C12orf42: variants seen among roughly 807,000 people sequenced by gnomAD.
The protein encoded by C12orf42 is uncharacterized protein C12orf42.
Under a neutral mutation model 21.6 loss-of-function variants are expected in C12orf42, and 25 were observed. That is an observed-to-expected ratio of 1.16 (90% CI 0.84 to 1.62). The LOEUF (loss-of-function observed/expected upper bound fraction) is 1.62, where lower values mean the gene tolerates loss of function less well. Ranked by LOEUF, C12orf42 falls within the 40% of genes most tolerant of loss-of-function variation. The pLI, the probability that C12orf42 is intolerant of heterozygous loss-of-function variation, is 0.00. For missense variants in C12orf42, 483 were observed against 459.3 expected, an observed-to-expected ratio of 1.05 and a Z score of -0.47; for synonymous variants, 174 against 175.0, an observed-to-expected ratio of 0.99 and a Z score of 0.05.
At chr12:103,511,617 T>A in the C12orf42 span, among the ~76,000 whole-genome samples, 6 of 151,404 alleles carry the variant, frequency 4.0e-5, no homozygotes, top group Non-Finnish European at 8.8e-5. Context: ...GAAGCATAGA[T>A]AAATGCATCC....
At chr12:103,113,776 T>A in the C12orf42 span, among the ~76,000 whole-genome samples, 1 of 152,334 alleles carries the variant, frequency 6.6e-6, no homozygotes, top group African/African-American at 2.4e-5. Context: ...TAAGTGGAAA[T>A]AATTTGCTTT....
At chr12:103,058,600 G>A in the C12orf42 span, among the ~76,000 whole-genome samples, 1 of 152,264 alleles carries the variant, frequency 6.6e-6, no homozygotes, top group South Asian at 2.1e-4. Flanking sequence ...ACACTCCTCA[G>A]CAAATTCAAA....
intron 4 of C12orf42, among the ~76,000 whole-genome samples, chr12:103,292,597 T>C (rs1221056040): frequency 6.6e-6 from 1 of 152,128 alleles, no homozygotes; most frequent in Non-Finnish European, 1.5e-5. Flanking sequence ...TAGTTACTTT[T>C]ATTGATTCTT....
intron 4 of C12orf42, among the ~76,000 whole-genome samples, chr12:103,307,152 G>A (rs894471435): frequency 2.0e-5 from 3 of 152,078 alleles, no homozygotes; most frequent in African/African-American, 7.2e-5. Context: ...TTATTACAGT[G>A]GTCCTCAGGA....
chr12:103,282,940 A>AT (rs2136318590), intron 4 of C12orf42, among the ~76,000 whole-genome samples: 1 of 152,278 alleles, frequency 6.6e-6, no homozygotes, highest in East Asian at 1.9e-4. Flanking sequence ...TCAACACAGC[A>AT]TTTTTCAAAT....
At chr12:103,202,430 A>G in the C12orf42 span, among the ~76,000 whole-genome samples, 1 of 152,150 alleles carries the variant, frequency 6.6e-6, no homozygotes, top group Non-Finnish European at 1.5e-5. Context: ...AGGGACAAGG[A>G]TTTGAGATCA....
At chr12:103,506,379 G>T in the C12orf42 span, among the ~76,000 whole-genome samples, 6 of 145,694 alleles carry the variant, frequency 4.1e-5, no homozygotes, top group African/African-American at 1.5e-4. Flanking sequence ...TTTTTAAGAG[G>T]TGAAAACATA....
At chr12:103,177,027 A>G in the C12orf42 span, among the ~76,000 whole-genome samples, 3 of 152,154 alleles carry the variant, frequency 2.0e-5, no homozygotes, top group Non-Finnish European at 4.4e-5. Context: ...ATTATTCAAC[A>G]GTTTATGAGA....
chr12:103,414,292 ACTGT>A (rs1190373029), intron 2 of C12orf42, among the ~76,000 whole-genome samples: 8 of 151,578 alleles, frequency 5.3e-5, no homozygotes, highest in African/African-American at 1.9e-4. Flanking sequence ...TCTTCTGAGA[ACTGT>A]CTATTTATGT....
chr12:103,135,414 T>A, the C12orf42 span, among the ~76,000 whole-genome samples: 1 of 149,542 alleles, frequency 6.7e-6, no homozygotes. Flanking sequence ...CCGAAATTGA[T>A]CCACTCCACT....
At chr12:103,143,051 G>C in the C12orf42 span, among the ~76,000 whole-genome samples, 2 of 152,240 alleles carry the variant, frequency 1.3e-5, no homozygotes, top group African/African-American at 4.8e-5. Context: ...TGAGCAGCAC[G>C]TTTTACACTG....
chr12:103,311,982 CAA>C (rs1438176236), intron 4 of C12orf42, among the ~76,000 whole-genome samples: 1 of 152,194 alleles, frequency 6.6e-6, no homozygotes, highest in African/African-American at 2.4e-5. Flanking sequence ...ATAAAATCGA[CAA>C]AGTCTTTCTC....
Position 103,417,162 on chromosome 12 carries a change from T to A in C12orf42, c.79-15487A>T, listed in dbSNP as rs531237405. Among the ~76,000 whole-genome samples, 3 of 152,318 alleles carry A rather than the reference T, an allele frequency of 2.0e-5. No homozygotes were observed. The East Asian group carries it at 5.8e-4, about 29-fold the overall frequency. On this transcript the variant is annotated intron_variant, in intron 2 of 5. Coordinates refer to ENST00000548883, the MANE Select transcript of C12orf42 (RefSeq NM_198521.5). ...AGTAACATAGGCATAACTTCCCTCTTCTGTCTCTGAAATACAAACAATACT... is the reference window on the plus strand; with the variant it reads ...AGTAACATAGGCATAACTTCCCTCTACTGTCTCTGAAATACAAACAATACT...
chr12:103,418,064 A>C (rs2139056041), intron 2 of C12orf42, among the ~76,000 whole-genome samples: 1 of 152,342 alleles, frequency 6.6e-6, no homozygotes. Context: ...TATTTAGAAT[A>C]ACTTCTTATT....
At chr12:103,325,572 C>A (rs2040600762) in intron 4 of C12orf42, among the ~76,000 whole-genome samples, 1 of 152,204 alleles carries the variant, frequency 6.6e-6, no homozygotes. Flanking sequence ...GTCATGACAT[C>A]ATGCTGAAGC....
chr12:103,159,160 A>G, the C12orf42 span, among the ~76,000 whole-genome samples: 1 of 152,296 alleles, frequency 6.6e-6, no homozygotes, highest in East Asian at 1.9e-4. Context: ...AGCTTCTTCC[A>G]TTGATTTTTT....
the C12orf42 span, among the ~76,000 whole-genome samples, chr12:103,105,825 A>G: frequency 6.6e-6 from 1 of 152,214 alleles, no homozygotes; most frequent in Non-Finnish European, 1.5e-5. Flanking sequence ...AAGAAATTTC[A>G]CAGAATGCTA....
chr12:103,325,261 G>T (rs2040568774), intron 4 of C12orf42, among the ~76,000 whole-genome samples: 1 of 152,162 alleles, frequency 6.6e-6, no homozygotes, highest in East Asian at 1.9e-4. Flanking sequence ...CTCTCTTTTT[G>T]AACGACGTTC....
At chr12:103,120,426 G>A in the C12orf42 span, among the ~76,000 whole-genome samples, 2 of 152,184 alleles carry the variant, frequency 1.3e-5, no homozygotes, top group Non-Finnish European at 2.9e-5. Context: ...CATTTGCAGA[G>A]GGATGGGATG....
Sources: allele counts gnomAD v4.1 joint callset (sites outside exome capture counted in the v4.1 genomes callset), GRCh38; gene constraint gnomAD v4.1.1; transcripts MANE v1.5; gene names NCBI Gene and HGNC (gene_info 2026-07-23, HGNC 2026-07-21).